The following WDR41 variants were observed in gnomAD, a reference collection of about 807,000 sequenced individuals.
WDR41 encodes the protein WD repeat-containing protein 41.
A neutral mutation model predicts 69.3 loss-of-function variants in WDR41; 63 were observed. That is an observed-to-expected ratio of 0.91 (90% CI 0.74 to 1.12). The LOEUF is 1.12. Ranked by LOEUF, WDR41 falls within the 50% of genes most tolerant of loss-of-function variation. WDR41 has a pLI of 0.00. For synonymous variants in WDR41, 185 were observed against 192.1 expected (o/e 0.96, Z 0.31); for missense variants, 543 against 534.5 (o/e 1.02, Z -0.16).
In WDR41 at chr5:77,510,329, C is replaced by T. The variant is rs555191069; in HGVS notation, c.43-20757G>A. ...GCATGGGAAAGACCTGCCCCCATGA[C>T]TCAGTCATCTCCCACCAGGTCCCTC... On this transcript the variant is annotated intron_variant, in intron 1 of 5. Coordinates refer to the WDR41 transcript ENST00000509971. Among the ~76,000 whole-genome samples the T allele has an allele frequency of 4.2e-4, 64 of 152,296 alleles. 2 individuals carry two copies. In the South Asian group the frequency reaches 0.013, roughly 30 times the overall value.
chr5:77,536,398 A>G (rs1742982138), intron 1 of WDR41, among the ~76,000 whole-genome samples: 1 of 151,268 alleles, frequency 6.6e-6, no homozygotes, highest in African/African-American at 2.4e-5. Context: ...TTCATAAGCA[A>G]AGTGTTAAAA....
chr5:77,545,667 G>T, intron 1 of WDR41: 1 of 428,392 alleles, frequency 2.3e-6, no homozygotes, highest in South Asian at 4.0e-5. Flanking sequence ...TTTTCCTGGG[G>T]GCCTCTCTCA....
chr5:77,547,786 A>G (rs945547354), intron 1 of WDR41, among the ~76,000 whole-genome samples: 5 of 152,128 alleles, frequency 3.3e-5, no homozygotes, highest in African/African-American at 1.2e-4. Flanking sequence ...AAATAATTCT[A>G]AAATTCATAT....
At chr5:77,503,477 G>C (rs1425596143) in intron 1 of WDR41, among the ~76,000 whole-genome samples, 6 of 152,014 alleles carry the variant, frequency 3.9e-5, no homozygotes, top group Non-Finnish European at 7.4e-5. Context: ...CAAGACAGAA[G>C]GTTAACAAGG....
At chr5:77,506,333 A>G (rs1053530194) in intron 1 of WDR41, among the ~76,000 whole-genome samples, 3 of 152,254 alleles carry the variant, frequency 2.0e-5, no homozygotes, top group African/African-American at 4.8e-5. Context: ...CAAAACCACA[A>G]TGAGATACCA....
chr5:77,587,871 T>C (rs1744069492), intron 1 of WDR41, among the ~76,000 whole-genome samples: 1 of 152,188 alleles, frequency 6.6e-6, no homozygotes, highest in South Asian at 2.1e-4. Flanking sequence ...GATGATCATA[T>C]GAAGAAGCAG....
intron 8 of WDR41, among the ~76,000 whole-genome samples, chr5:77,444,033 A>C (rs567871814): frequency 6.6e-6 from 1 of 152,092 alleles, no homozygotes; most frequent in South Asian, 2.1e-4. Flanking sequence ...GGCATGTGAC[A>C]CCACACCTGG....
intron 1 of WDR41, among the ~76,000 whole-genome samples, chr5:77,598,558 T>C (rs1580043034): frequency 6.6e-6 from 1 of 151,890 alleles, no homozygotes; most frequent in South Asian, 2.1e-4. Flanking sequence ...AAGGAAGAAC[T>C]AGGCTCAGTG....
At chr5:77,442,762 G>C (rs1799214405) in intron 8 of WDR41, among the ~76,000 whole-genome samples, 1 of 151,102 alleles carries the variant, frequency 6.6e-6, no homozygotes, top group South Asian at 2.1e-4. Context: ...CGTGGTGGTG[G>C]GCGCCTGTAG....
intron 1 of WDR41, among the ~76,000 whole-genome samples, chr5:77,558,144 C>T (rs74924352): frequency 0.12 from 16,732 of 140,640 alleles, 1,295 homozygotes; most frequent in East Asian, 0.26. Flanking sequence ...TGTAGGTAAT[C>T]GTTAAAATGC....
At chr5:77,515,726 A>G (rs1339708668) in intron 1 of WDR41, among the ~76,000 whole-genome samples, 2 of 152,180 alleles carry the variant, frequency 1.3e-5, no homozygotes, top group African/African-American at 4.8e-5. Flanking sequence ...ATCTTATGGA[A>G]CCATGATCAT....
intron 1 of WDR41, among the ~76,000 whole-genome samples, chr5:77,553,867 GAA>G (rs1743341519): frequency 6.6e-6 from 1 of 152,142 alleles, no homozygotes; most frequent in South Asian, 2.1e-4. Flanking sequence ...AGCCACTCTG[GAA>G]AAGAGTTTAA....
chr5:77,483,950 A>G (rs1211714753), intron 2 of WDR41, among the ~76,000 whole-genome samples: 1 of 152,210 alleles, frequency 6.6e-6, no homozygotes, highest in Non-Finnish European at 1.5e-5. Context: ...AAGTTGCCAG[A>G]TGGATTTTTA....
At chr5:77,493,152 G>T (rs542389099), upstream of WDR41, among the ~76,000 whole-genome samples, 5 of 152,260 alleles carry the variant, frequency 3.3e-5, no homozygotes, top group African/African-American at 1.2e-4. Context: ...TTTGTGGTTG[G>T]GACGTAGGAA....
At chr5:77,611,388 T>C (rs1222308799) in intron 1 of WDR41, among the ~76,000 whole-genome samples, 37 of 152,276 alleles carry the variant, frequency 2.4e-4, no homozygotes, top group Non-Finnish European at 3.5e-4. Flanking sequence ...TATTCCAAAA[T>C]TGACCACATA....
intron 1 of WDR41, among the ~76,000 whole-genome samples, chr5:77,520,441 A>T (rs1172018531): frequency 3.3e-5 from 5 of 152,198 alleles, no homozygotes; most frequent in Admixed American, 3.3e-4. Flanking sequence ...AAACCAAATC[A>T]TCAAGAAATG....
chr5:77,581,780 C>T (rs1301341446), intron 1 of WDR41, among the ~76,000 whole-genome samples: 3 of 152,034 alleles, frequency 2.0e-5, no homozygotes, highest in African/African-American at 7.2e-5. Flanking sequence ...AAAAGGAAAT[C>T]ATGAAATACT....
At position 77,538,049 on chromosome 5, in the gene WDR41, C is replaced by G. The variant is rs187799886; in HGVS notation, c.43-48477G>C. Among the ~76,000 whole-genome samples, 15 of 152,126 alleles carry G rather than the reference C, an allele frequency of 9.9e-5. No individual in the cohort carries two copies. In the East Asian group the frequency reaches 2.9e-3, roughly 29 times the overall value. On this transcript the variant is annotated intron_variant, in intron 1 of 5. Transcript: ENST00000509971. ...GGGTATCCACCACCCAAATAATATA[C>G]ATTGTACCCTTTAAATAATTTCTCA...
chr5:77,440,822 A>T lies in WDR41; in HGVS notation c.873T>A (p.Cys291Ter). 1 of 1,614,100 alleles carries T rather than the reference A, an allele frequency of 6.2e-7. No individual in the cohort carries two copies. Among genetic ancestry groups the T allele is most frequent in the Non-Finnish European group, 8.5e-7 (1 of 1,179,988 alleles). The change falls in exon 9 of 13, where the codon TGT becomes TGA. Residue 291 changes from cysteine to a stop codon, truncating the protein, a stop_gained. Transcript: ENST00000296679. LOFTEE classifies it high-confidence loss of function. The part of the protein sequence containing the change: ...SNDISIHHFT[C>*]DEENVFAAVG... ...TGTATACATTTTTTACCTCTTCATCACATGTGAAATGATGAATAGAAATGT... is the reference window on the plus strand; with the variant it reads ...TGTATACATTTTTTACCTCTTCATCTCATGTGAAATGATGAATAGAAATGT...
Sources: allele counts gnomAD v4.1 joint callset (sites outside exome capture counted in the v4.1 genomes callset), GRCh38; gene constraint gnomAD v4.1.1; transcripts MANE v1.5; gene names NCBI Gene and HGNC (gene_info 2026-07-23, HGNC 2026-07-21).